SPACA7: variants seen among roughly 807,000 people sequenced by gnomAD.
SPACA7 encodes the protein sperm acrosome-associated protein 7.
In SPACA7, 19 loss-of-function variants were observed where a neutral mutation model predicts 26.3. That is an observed-to-expected ratio of 0.72 (90% CI 0.50 to 1.06). SPACA7 has a LOEUF of 1.06. Ranked by LOEUF, SPACA7 falls within the 50% of genes least tolerant of loss-of-function variation. The pLI is 0.00. For missense variants in SPACA7, 211 were observed against 229.9 expected (o/e 0.92, Z 0.53); for synonymous variants, 84 against 84.5 (o/e 0.99, Z 0.04).
intron 1 of SPACA7, among the ~76,000 whole-genome samples, chr13:112,390,299 G>A (rs2138903438): frequency 6.6e-6 from 1 of 152,312 alleles, no homozygotes; most frequent in Middle Eastern, 3.4e-3. Context: ...TGTATGGTTT[G>A]CAAAGTCACG....
intron 5 of SPACA7, among the ~76,000 whole-genome samples, chr13:112,407,683 C>T (rs1886075734): frequency 6.6e-6 from 1 of 152,164 alleles, no homozygotes; most frequent in Non-Finnish European, 1.5e-5. Context: ...AGTTGAATCC[C>T]TGAATACACC....
chr13:112,381,494 C>CAA (rs35147413), intron 1 of SPACA7, among the ~76,000 whole-genome samples: 2 of 44,004 alleles, frequency 4.5e-5, no homozygotes, highest in Non-Finnish European at 6.9e-5. Flanking sequence ...CCCTGTCCCC[C>CAA]AAAAAAAAAA....
rs191784730 is a variant in SPACA7, at chr13:112,387,477, G to A, written c.95-5544G>A. Among the ~76,000 whole-genome samples, 464 of 152,268 alleles carry A rather than the reference G, an allele frequency of 3.0e-3. 4 individuals are homozygous for A. The highest frequency in any genetic ancestry group is 4.6e-3 in the Non-Finnish European group (313 of 68,020). ...CAGAAAGACAAATTCTTAGCACAAA[G>A]TACACCAGATTTGCTACCACCTAAG... On this transcript the variant is annotated intron_variant, in intron 1 of 6. Transcript: ENST00000283550.
chr13:112,420,614 T>TG (rs1403792437), intron 5 of SPACA7, among the ~76,000 whole-genome samples: 4 of 151,888 alleles, frequency 2.6e-5, no homozygotes, highest in African/African-American at 9.7e-5. Context: ...ATCATTGAAA[T>TG]CACAGAAAGA....
chr13:112,426,940 T>C (rs1426487515), intron 5 of SPACA7, among the ~76,000 whole-genome samples: 1 of 152,212 alleles, frequency 6.6e-6, no homozygotes, highest in Non-Finnish European at 1.5e-5. Context: ...ATAGGAGTCA[T>C]AAGCACAGAC....
intron 4 of SPACA7, 101 bp from the exon 5 acceptor site, chr13:112,400,968 A>T: frequency 1.2e-6 from 1 of 807,160 alleles, no homozygotes; most frequent in Non-Finnish European, 2.0e-6. Context: ...AAATGATATT[A>T]GCATCTCAAC....
intron 5 of SPACA7, among the ~76,000 whole-genome samples, chr13:112,422,350 G>A (rs1466842496): frequency 6.6e-6 from 1 of 152,100 alleles, no homozygotes; most frequent in Admixed American, 6.6e-5. Flanking sequence ...GTTACATTTG[G>A]AAACTTTAGC....
At chr13:112,426,689 T>C (rs888421343) in intron 5 of SPACA7, among the ~76,000 whole-genome samples, 7 of 152,242 alleles carry the variant, frequency 4.6e-5, no homozygotes, top group African/African-American at 2.4e-5. Flanking sequence ...AATATCCAGT[T>C]ATTCATTTTT....
At chr13:112,383,569 G>A (rs114458736) in intron 1 of SPACA7, among the ~76,000 whole-genome samples, 2,181 of 152,086 alleles carry the variant, frequency 0.014, 46 homozygotes, top group African/African-American at 0.05. Flanking sequence ...TTTAAAAGCC[G>A]AGCCCAGCCA....
intron 5 of SPACA7, among the ~76,000 whole-genome samples, chr13:112,404,608 G>T (rs1198155247): frequency 1.3e-5 from 2 of 152,176 alleles, no homozygotes; most frequent in Non-Finnish European, 2.9e-5. Context: ...TGAGAGACAA[G>T]GATCCAGTTT....
At chr13:112,432,856 G>A (rs12872186) in intron 6 of SPACA7, among the ~76,000 whole-genome samples, 21,848 of 152,144 alleles carry the variant, frequency 0.14, 1,732 homozygotes, top group East Asian at 0.28. Context: ...ACGTGATGAC[G>A]GGAGCCTGCT....
chr13:112,403,305 TG>T (rs565618843), intron 5 of SPACA7, among the ~76,000 whole-genome samples: 38 of 152,334 alleles, frequency 2.5e-4, no homozygotes, highest in Admixed American at 7.8e-4. Flanking sequence ...AAAACTTACT[TG>T]TTTCCATTGT....
rs191788531 is a variant in SPACA7, at chr13:112,390,062, A to T, written c.95-2959A>T. Among the ~76,000 whole-genome samples the T allele has an allele frequency of 1.9e-3, 282 of 149,918 alleles. 2 individuals are homozygous for T. The highest frequency in any genetic ancestry group is 3.3e-3 in the Non-Finnish European group (222 of 67,706). ...CCTCAGATCAGGTAGTTGATCTGGG[A>T]TTGTCTGGGTCCATAAAGCTCCAGG... On this transcript the variant is annotated intron_variant, in intron 1 of 6. Coordinates refer to ENST00000283550, the MANE Select transcript of SPACA7 (RefSeq NM_145248.5).
chr13:112,406,404 C>T (rs919568045), intron 5 of SPACA7, among the ~76,000 whole-genome samples: 1 of 152,128 alleles, frequency 6.6e-6, no homozygotes, highest in Non-Finnish European at 1.5e-5. Flanking sequence ...AGGTTCATCC[C>T]TGTCTTAGCA....
intron 5 of SPACA7, among the ~76,000 whole-genome samples, chr13:112,413,386 G>A (rs1164553783): frequency 6.8e-6 from 1 of 146,300 alleles, no homozygotes; most frequent in Admixed American, 6.8e-5. Context: ...TTTTCCTTTA[G>A]CACTTTAAAT....
chr13:112,387,341 C>T (rs966506656), intron 1 of SPACA7, among the ~76,000 whole-genome samples: 1 of 152,212 alleles, frequency 6.6e-6, no homozygotes, highest in Non-Finnish European at 1.5e-5. Context: ...CAGGGACCCA[C>T]AGCAAAGTTT....
intron 6 of SPACA7, 152 bp downstream of exon 6, chr13:112,432,673 G>A (rs1052810333): frequency 1.9e-5 from 12 of 628,518 alleles, no homozygotes; most frequent in African/African-American, 7.3e-5. Context: ...CTGTCCAACC[G>A]TTGATGTGTG....
intron 5 of SPACA7, among the ~76,000 whole-genome samples, chr13:112,425,018 G>A (rs1346624628): frequency 6.6e-6 from 1 of 152,218 alleles, no homozygotes; most frequent in Admixed American, 6.5e-5. Flanking sequence ...TATTTGAGCA[G>A]AGGACTGGAG....
At chr13:112,399,978 C>G (rs1885531055) in intron 4 of SPACA7, among the ~76,000 whole-genome samples, 1 of 152,176 alleles carries the variant, frequency 6.6e-6, no homozygotes, top group Admixed American at 6.5e-5. Flanking sequence ...ATCATGAGAA[C>G]AGCAAGGAGC....
Sources: gnomAD v4.1 joint callset for allele counts (sites outside exome capture counted in the v4.1 genomes callset) on GRCh38, gnomAD v4.1.1 for gene constraint, MANE v1.5 for transcripts, NCBI Gene and HGNC (gene_info 2026-07-23, HGNC 2026-07-21) for gene names.